SARS2: variants seen among roughly 807,000 people sequenced by gnomAD.
SARS2 encodes the protein seryl-tRNA synthetase 2, mitochondrial.
SARS2 carries 52 observed loss-of-function variants against 66.8 expected under a neutral mutation model. That is an observed-to-expected ratio of 0.78 (90% CI 0.62 to 0.98). The LOEUF (loss-of-function observed/expected upper bound fraction) is 0.98. Among genes scored for constraint, SARS2 ranks in the 50% least tolerant of loss-of-function variants. The pLI is 0.00. For synonymous variants in SARS2, 306 were observed against 281.4 expected, an observed-to-expected ratio of 1.09 and a Z score of -0.87; for missense variants, 673 against 706.3, an observed-to-expected ratio of 0.95 and a Z score of 0.53.
At chr19:38,922,062 C>G (rs1443890224) in intron 3 of SARS2, 176 bp downstream of exon 3, 1 of 1,567,716 alleles carries the variant, frequency 6.4e-7, no homozygotes, top group East Asian at 2.4e-5. Flanking sequence ...GGAGCCAGCA[C>G]CTGGATCCAG....
intron 2 of SARS2, 124 bp from the exon 3 acceptor site, chr19:38,922,391 G>T: frequency 1.1e-6 from 1 of 878,196 alleles, no homozygotes; most frequent in Non-Finnish European, 1.9e-6. Context: ...GTGCCTAGCT[G>T]GGTCCCTCTG....
At chr19:38,916,898 G>C (rs970586281) in intron 12 of SARS2, among the ~76,000 whole-genome samples, 4 of 150,586 alleles carry the variant, frequency 2.7e-5, no homozygotes, top group African/African-American at 9.8e-5. Context: ...CCTGACCTCA[G>C]GTGATCCGCC....
chr19:38,921,283 G>C, intron 5 of SARS2, 109 bp downstream of exon 5: 1 of 1,186,080 alleles, frequency 8.4e-7, no homozygotes, highest in African/African-American at 1.5e-5. Context: ...ACCGCCAGGA[G>C]TTCTCCAGGC....
chr19:38,918,346 C>T (rs892698905), intron 9 of SARS2, 76 bp downstream of exon 9: 3 of 1,386,310 alleles, frequency 2.2e-6, no homozygotes, highest in South Asian at 1.2e-5. Context: ...GTGATCCCCC[C>T]CAGTGCTCCC....
Position 38,930,660 on chromosome 19 carries a change from G to A in SARS2, c.77C>T (p.Ser26Phe), listed in dbSNP as rs1974725232. The A allele has an allele frequency of 1.9e-6, 3 of 1,613,996 alleles. No homozygotes were observed. The highest frequency in any genetic ancestry group is 2.5e-6 in the Non-Finnish European group (3 of 1,180,040). ...GAAACTTCTCCTTGGACTATCGTTG[G>A]AGATGCAGCCTCCCCGGGGCCGGAA... ...RGFRPRGGCISNDSPRRSFTT... is the reference protein window; with the variant it reads ...RGFRPRGGCIFNDSPRRSFTT... Residue 26 changes from serine to phenylalanine, a missense_variant, in exon 1 of 16, where the codon TCC becomes TTC. Ser to Phe is a radical substitution (Grantham distance 155, BLOSUM62 -2). Coordinates refer to ENST00000221431, the MANE Select transcript of SARS2 (RefSeq NM_017827.4).
chr19:38,923,357 G>C (rs1301793325), intron 2 of SARS2, among the ~76,000 whole-genome samples: 1 of 147,512 alleles, frequency 6.8e-6, no homozygotes, highest in East Asian at 2.1e-4. Context: ...TAGTAGCTGG[G>C]ACTACAGGCG....
chr19:38,920,280 G>A, intron 5 of SARS2, 131 bp from the exon 6 acceptor site: 2 of 748,598 alleles, frequency 2.7e-6, no homozygotes, highest in South Asian at 3.0e-5. Context: ...GGAGAGAAGG[G>A]AGAAGAAGAC....
chr19:38,916,106 T>C lies in SARS2; in HGVS notation c.1278A>G (p.Thr426=), dbSNP rs1228352704. The C allele has an allele frequency of 3.1e-6, 5 of 1,613,810 alleles. No individual in the cohort carries two copies. The highest frequency in any genetic ancestry group is 2.7e-5 in the African/African-American group (2 of 74,926). ...FGEVTSASNC[T]DFQSRRLHIM... Reference sequence around the variant, plus strand: ...TGTGGAGGCGGCGGCTCTGGAAGTCTGTGCAGTTGGAAGCACTGGTGACCT... The same window carrying C: ...TGTGGAGGCGGCGGCTCTGGAAGTCCGTGCAGTTGGAAGCACTGGTGACCT... The change falls in exon 14 of 16, where the codon ACA becomes ACG. Residue 426 remains threonine, a synonymous_variant. Coordinates refer to ENST00000221431, the MANE Select transcript of SARS2 (RefSeq NM_017827.4).
intron 2 of SARS2, among the ~76,000 whole-genome samples, chr19:38,924,825 T>A (rs532941251): frequency 6.6e-6 from 1 of 152,156 alleles, no homozygotes; most frequent in Non-Finnish European, 1.5e-5. Flanking sequence ...CCCGTTTTAA[T>A]CTCTTAGGGC....
At chr19:38,925,812 G>A (rs1414005907) in intron 2 of SARS2, among the ~76,000 whole-genome samples, 4 of 152,090 alleles carry the variant, frequency 2.6e-5, no homozygotes, top group Non-Finnish European at 5.9e-5. Context: ...TGTCCACATT[G>A]TTCACGCTTG....
chr19:38,922,334 G>T, intron 2 of SARS2, 67 bp from the exon 3 acceptor site: 2 of 1,512,104 alleles, frequency 1.3e-6, no homozygotes, highest in East Asian at 2.3e-5. Flanking sequence ...AGAAAAAATG[G>T]TGAAAGGTCA....
chr19:38,922,418 T>TAG (rs1448583510), intron 2 of SARS2, 151 bp from the exon 3 acceptor site: 1 of 766,080 alleles, frequency 1.3e-6, no homozygotes, highest in Non-Finnish European at 2.3e-6. Flanking sequence ...TGTGTTTCTG[T>TAG]TTCTCTATTG....
At chr19:38,919,645 T>C (rs1260554426) in intron 7 of SARS2, 117 bp downstream of exon 7, 1 of 803,264 alleles carries the variant, frequency 1.2e-6, no homozygotes. Flanking sequence ...ATGATACACA[T>C]GAAGCTCTGA....
chr19:38,917,436 G>A (rs565102305), intron 12 of SARS2, among the ~76,000 whole-genome samples: 2 of 152,216 alleles, frequency 1.3e-5, no homozygotes, highest in South Asian at 4.1e-4. Flanking sequence ...GGGTTGCACA[G>A]ATGAGGCAGT....
chr19:38,927,899 G>A (rs1303119014), intron 1 of SARS2, among the ~76,000 whole-genome samples: 2 of 151,980 alleles, frequency 1.3e-5, no homozygotes, highest in Non-Finnish European at 2.9e-5. Flanking sequence ...TGGGGGTGGA[G>A]GCGTGCGCCT....
intron 6 of SARS2, 82 bp downstream of exon 6, chr19:38,920,004 G>T: frequency 7.1e-7 from 1 of 1,404,734 alleles, no homozygotes; most frequent in Non-Finnish European, 9.9e-7. Context: ...CACATCTCAC[G>T]CTGAGGCCAA....
intron 6 of SARS2, 32 bp from the exon 7 acceptor site, chr19:38,919,899 G>A: frequency 6.3e-7 from 1 of 1,584,070 alleles, no homozygotes. Flanking sequence ...GGGTGCACAT[G>A]GGCCAGGCTG....
Position 38,915,384 on chromosome 19 carries a change from C to A in SARS2, c.*222G>T. On this transcript the variant is annotated 3_prime_UTR_variant, in exon 16 of 16. Transcript: ENST00000221431. ...CCCTAGAACCGTAAAGCCCAGACGT[C>A]CTGCTTCCCACTGGGACCCTCAATG... The A allele has an allele frequency of 1.7e-6, 1 of 596,036 alleles. No individual in the cohort carries two copies. The highest frequency in any genetic ancestry group is 2.0e-5 in the South Asian group (1 of 49,358). The allele number at this position is 596,036 out of a possible 1,614,324, so 36.9% of individuals were successfully genotyped here. A position where few individuals can be genotyped will look rare whatever the true frequency, so the allele number is the denominator to read the frequency against.
At chr19:38,925,848 G>A (rs559957714) in intron 2 of SARS2, among the ~76,000 whole-genome samples, 51 of 152,122 alleles carry the variant, frequency 3.4e-4, no homozygotes, top group Admixed American at 9.8e-4. Context: ...AGGGAGTCTC[G>A]CTCTGTCGCC....
Sources: gnomAD v4.1 joint callset for allele counts (sites outside exome capture counted in the v4.1 genomes callset) on GRCh38, gnomAD v4.1.1 for gene constraint, MANE v1.5 for transcripts, NCBI Gene and HGNC (gene_info 2026-07-23, HGNC 2026-07-21) for gene names.